Variants in CDKL4 observed in about 807,000 individuals in gnomAD.
CDKL4 encodes cyclin dependent kinase like 4, also known as cyclin-dependent kinase-like 4.
In CDKL4, 44 loss-of-function variants were observed where a neutral mutation model predicts 42.0. That is an observed-to-expected ratio of 1.05 (90% CI 0.82 to 1.35). The LOEUF is 1.35. Ranked by LOEUF, CDKL4 falls within the 40% of genes most tolerant of loss-of-function variation. The pLI, the probability that CDKL4 is intolerant of heterozygous loss-of-function variation, is 0.00. For synonymous variants in CDKL4, 120 were observed against 121.6 expected (o/e 0.99, Z 0.09); for missense variants, 393 against 369.9 (o/e 1.06, Z -0.51).
upstream of CDKL4, among the ~76,000 whole-genome samples, chr2:39,246,157 C>G (rs571100703): frequency 1.3e-4 from 20 of 152,254 alleles, no homozygotes; most frequent in Middle Eastern, 0.01. Flanking sequence ...ACAGGTGACT[C>G]TCTTCTCCTT....
At chr2:39,246,605 A>T (rs1288890803), upstream of CDKL4, among the ~76,000 whole-genome samples, 1 of 152,242 alleles carries the variant, frequency 6.6e-6, no homozygotes, top group Non-Finnish European at 1.5e-5. Flanking sequence ...TTTCTTGAAC[A>T]TGCAGTATTT....
intron 3 of CDKL4, among the ~76,000 whole-genome samples, chr2:39,222,775 T>C (rs60724750): frequency 6.6e-6 from 1 of 152,054 alleles, no homozygotes; most frequent in Non-Finnish European, 1.5e-5. Flanking sequence ...TGTTTTATAA[T>C]AGTTTCAGGG....
chr2:39,206,405 G>A (rs1450298497), intron 4 of CDKL4, among the ~76,000 whole-genome samples: 4 of 152,086 alleles, frequency 2.6e-5, no homozygotes, highest in Admixed American at 2.0e-4. Context: ...CATATGCAGC[G>A]GCCTTACAAC....
Position 39,195,793 on chromosome 2 carries a change from G to A in CDKL4, c.455-5291C>T, listed in dbSNP as rs1676477965. On this transcript the variant is annotated intron_variant, in intron 5 of 9. Transcript: ENST00000451199. ...GAGTTAGCTGGGATTACTGGTTTGA[G>A]CCACTGCGCCCTGCCTTATATATCT... 2.0e-5 allele frequency among the ~76,000 whole-genome samples: 3 copies of A among 152,002 alleles called. No homozygotes were observed. In the South Asian group the frequency reaches 6.2e-4, roughly 32 times the overall value.
At chr2:39,173,522 A>C (rs1675054903), downstream of CDKL4, among the ~76,000 whole-genome samples, 1 of 151,710 alleles carries the variant, frequency 6.6e-6, no homozygotes, top group South Asian at 2.1e-4. Context: ...ACAAAAAATT[A>C]GCTGGAGCCG....
intron 3 of CDKL4, among the ~76,000 whole-genome samples, chr2:39,222,303 T>C (rs918556986): frequency 4.6e-5 from 7 of 152,114 alleles, no homozygotes; most frequent in African/African-American, 1.7e-4. Flanking sequence ...TTAAAGATTA[T>C]GATAGGCCAG....
intron 8 of CDKL4, 146 bp from the exon 9 acceptor site, chr2:39,179,467 T>C (rs755395520): frequency 1.8e-4 from 103 of 586,090 alleles, no homozygotes; most frequent in Middle Eastern, 5.8e-4. Flanking sequence ...AGCTTGCTAA[T>C]AGCTAGGATT....
At chr2:39,243,113 C>CAAAAAAAAAAAAAA (rs57132937) in intron 1 of CDKL4, among the ~76,000 whole-genome samples, 4 of 38,420 alleles carry the variant, frequency 1.0e-4, no homozygotes, top group Non-Finnish European at 1.2e-4. Flanking sequence ...GACCCTGTCT[C>CAAAAAAAAAAAAAA]AAAAAAAAAA....
At chr2:39,184,722 ATGTGTG>A (rs141702509) in intron 7 of CDKL4, 75 bp from the exon 8 acceptor site, 21 of 760,730 alleles carry the variant, frequency 2.8e-5, no homozygotes, top group African/African-American at 7.0e-5. Flanking sequence ...GTGCGTATGT[ATGTGTG>A]TGTGTGTGTG....
rs1380453074 is a variant in CDKL4, at chr2:39,184,524, C to A, written c.792+67G>T. The stretch of plus-strand genomic sequence containing the variant: ...ATTATTTAATCCACTGTCCACCCCT[C>A]CTCAAATTACCAGCTTCAGTCATTA... On this transcript the variant is annotated intron_variant, in intron 8 of 9. Transcript: ENST00000451199. The A allele has an allele frequency of 2.6e-6, 3 of 1,144,164 alleles. No individual in the cohort carries two copies. The East Asian group carries it at 7.2e-5, about 27-fold the overall frequency. The allele number at this position is 1,144,164 out of a possible 1,614,324, so 70.9% of individuals were successfully genotyped here.
At chr2:39,200,860 A>G (rs1253163433) in intron 5 of CDKL4, among the ~76,000 whole-genome samples, 1 of 152,340 alleles carries the variant, frequency 6.6e-6, no homozygotes, top group African/African-American at 2.4e-5. Flanking sequence ...AAAGACTTCA[A>G]TCTAAGACCT....
chr2:39,171,434 T>C (rs999431799), downstream of CDKL4, among the ~76,000 whole-genome samples: 4 of 152,184 alleles, frequency 2.6e-5, no homozygotes. Flanking sequence ...CAAAAGCTTC[T>C]TGAATACAAC....
In CDKL4 at chr2:39,181,029, T is replaced by C. The variant is rs377371704; in HGVS notation, c.793-1708A>G. On this transcript the variant is annotated intron_variant, in intron 8 of 9. Transcript: ENST00000451199. ...TACAAACTGTGATAGTCTCTACTTC[T>C]TTATCACTCTATTCTGGCTTTTGCT... Among the ~76,000 whole-genome samples the C allele has an allele frequency of 5.0e-4, 76 of 152,342 alleles. 1 individual carries two copies. The highest frequency in any genetic ancestry group is 1.6e-3 in the African/African-American group (68 of 41,582).
chr2:39,173,682 C>T (rs113192597), downstream of CDKL4, among the ~76,000 whole-genome samples: 3,407 of 151,894 alleles, frequency 0.022, 104 homozygotes, highest in African/African-American at 0.078. Flanking sequence ...TGGTGGTGGG[C>T]GCCTGTAGTC....
intron 5 of CDKL4, among the ~76,000 whole-genome samples, chr2:39,198,997 T>C (rs1024082831): frequency 4.0e-5 from 6 of 151,070 alleles, no homozygotes. Context: ...AGAGCAGAAG[T>C]AAATGATATT....
intron 9 of CDKL4, among the ~76,000 whole-genome samples, chr2:39,177,128 C>G (rs997333595): frequency 1.3e-5 from 2 of 152,154 alleles, no homozygotes; most frequent in South Asian, 2.1e-4. Context: ...TGTTTCTTTC[C>G]TTTTGCTGCC....
chr2:39,244,365 C>T (rs1558593658), upstream of CDKL4, among the ~76,000 whole-genome samples: 1 of 152,248 alleles, frequency 6.6e-6, no homozygotes. Flanking sequence ...GCCCCGCACT[C>T]TGAGCAGCCC....
At chr2:39,201,469 G>A (rs547358074) in intron 5 of CDKL4, among the ~76,000 whole-genome samples, 23 of 152,146 alleles carry the variant, frequency 1.5e-4, no homozygotes, top group Middle Eastern at 6.8e-3. Context: ...CCACTCCTGG[G>A]TATCTACCGA....
chr2:39,187,078 G>T (rs576478698), intron 7 of CDKL4, among the ~76,000 whole-genome samples: 1 of 152,180 alleles, frequency 6.6e-6, no homozygotes, highest in Non-Finnish European at 1.5e-5. Flanking sequence ...CATGACGGGG[G>T]TTCCTCCATG....
Sources: gnomAD v4.1 joint callset for allele counts (sites outside exome capture counted in the v4.1 genomes callset) on GRCh38, gnomAD v4.1.1 for gene constraint, MANE v1.5 for transcripts, NCBI Gene and HGNC (gene_info 2026-07-23, HGNC 2026-07-21) for gene names.